NPY2R: variants seen among roughly 807,000 people sequenced by gnomAD.
The protein encoded by NPY2R is neuropeptide Y receptor type 2.
A neutral mutation model predicts 22.3 loss-of-function variants in NPY2R; 17 were observed. The ratio of observed to expected loss-of-function variants is 0.76; its 90% CI spans 0.52 to 1.14. The LOEUF (loss-of-function observed/expected upper bound fraction) is 1.14, where lower values mean the gene tolerates loss of function less well. NPY2R is among the 50% of genes most tolerant of loss of function. The pLI is 0.00. For synonymous variants in NPY2R, 209 were observed against 183.4 expected, an observed-to-expected ratio of 1.14 and a Z score of -1.13; for missense variants, 424 against 467.9, an observed-to-expected ratio of 0.91 and a Z score of 0.87.
chr4:155,196,104 G>T, the NPY2R span, among the ~76,000 whole-genome samples: 1 of 152,006 alleles, frequency 6.6e-6, no homozygotes, highest in Non-Finnish European at 1.5e-5. Flanking sequence ...AAGCTTAGGA[G>T]ATCTTGCTGC....
At position 155,214,305 on chromosome 4, in the gene NPY2R, G is replaced by A. The variant is rs375830367; in HGVS notation, c.366G>A (p.Leu122=). The A allele has an allele frequency of 2.0e-5, 33 of 1,614,006 alleles. 1 individual carries two copies. The East Asian group carries it at 4.2e-4, about 21-fold the overall frequency. Residue 122 remains leucine, a synonymous_variant, in exon 2 of 2, where the codon CTG becomes CTA. Transcript: ENST00000329476. ...GGGAGTGGAAAATGGGTCCTGTCCT[G>A]TGCCACCTGGTGCCCTATGCCCAGG... ...LMGEWKMGPV[L]CHLVPYAQGL... is the part of the protein sequence containing the mutation.
the NPY2R span, among the ~76,000 whole-genome samples, chr4:155,191,380 C>T: frequency 4.6e-5 from 7 of 151,856 alleles, no homozygotes; most frequent in Admixed American, 2.0e-4. Context: ...TCCACCTTAC[C>T]ACCTAAATGT....
Position 155,209,681 on chromosome 4 carries a change from C to A in NPY2R, c.-49+612C>A, listed in dbSNP as rs1474674505. ...ATGTAGCATTCTTGAAACTTCCCTT[C>A]TTCCCCCTCCCCTGCCCCCATTCCT... On this transcript the variant is annotated intron_variant, in intron 1 of 1. Coordinates refer to ENST00000329476, the MANE Select transcript of NPY2R (RefSeq NM_000910.4). Among the ~76,000 whole-genome samples the A allele has an allele frequency of 4.6e-5, 7 of 152,258 alleles. No homozygotes were observed. In the East Asian group the frequency reaches 9.7e-4, roughly 21 times the overall value.
the NPY2R span, among the ~76,000 whole-genome samples, chr4:155,180,547 T>A: frequency 5.3e-5 from 8 of 152,160 alleles, no homozygotes; most frequent in African/African-American, 1.9e-4. Context: ...GCTTACACAT[T>A]TTGTGATTCT....
chr4:155,182,271 A>G, the NPY2R span, among the ~76,000 whole-genome samples: 1 of 152,140 alleles, frequency 6.6e-6, no homozygotes, highest in African/African-American at 2.4e-5. Flanking sequence ...ATGTTTCTGG[A>G]GTCCACTGGT....
At chr4:155,195,619 T>C in the NPY2R span, among the ~76,000 whole-genome samples, 12 of 151,964 alleles carry the variant, frequency 7.9e-5, no homozygotes, top group Admixed American at 3.3e-4. Flanking sequence ...AATATTACCA[T>C]CTTAGTGGCA....
At chr4:155,209,991 A>T (rs1455424775) in intron 1 of NPY2R, among the ~76,000 whole-genome samples, 1 of 152,232 alleles carries the variant, frequency 6.6e-6, no homozygotes, top group Admixed American at 6.5e-5. Context: ...CTGCAAAGAA[A>T]TGTTTCTATG....
the NPY2R span, among the ~76,000 whole-genome samples, chr4:155,185,672 T>C: frequency 6.6e-6 from 1 of 151,420 alleles, no homozygotes; most frequent in Non-Finnish European, 1.5e-5. Flanking sequence ...GAAATGCATT[T>C]TTTTTTTTTT....
chr4:155,182,089 G>C, the NPY2R span, among the ~76,000 whole-genome samples: 194 of 152,130 alleles, frequency 1.3e-3, 1 homozygote, highest in African/African-American at 4.4e-3. Flanking sequence ...ATAACTAAAG[G>C]CTAATTAATC....
chr4:155,208,242 G>T (rs1314673778), upstream of NPY2R: 1 of 152,330 alleles, frequency 6.6e-6, no homozygotes, highest in Admixed American at 6.5e-5. The surrounding 1 kb of genome is among the most constrained non-coding windows in gnomAD (Gnocchi z 5.6). Flanking sequence ...CCTACGAGGC[G>T]CGGGGATTCT....
At chr4:155,175,456 C>T in the NPY2R span, among the ~76,000 whole-genome samples, 7 of 152,110 alleles carry the variant, frequency 4.6e-5, no homozygotes, top group Non-Finnish European at 8.8e-5. Flanking sequence ...GCTGTCTGGT[C>T]ATGCTTTTCA....
At position 155,215,207 on chromosome 4, in the gene NPY2R, A is replaced by T; in HGVS notation, c.*122A>T. 1.1e-6 allele frequency: 1 copy of T among 951,188 alleles called. No individual in the cohort carries two copies. The allele number at this position is 951,188 out of a possible 1,614,324, so 58.9% of individuals were successfully genotyped here. ...AGAAGAAGTGGATCTAAATGGAAGC[A>T]TCTGCTGTTTAATTCCTGGAAAACT... On this transcript the variant is annotated 3_prime_UTR_variant, in exon 2 of 2. Coordinates refer to ENST00000329476, the MANE Select transcript of NPY2R (RefSeq NM_000910.4).
chr4:155,193,184 C>CTATA, the NPY2R span, among the ~76,000 whole-genome samples: 1 of 151,490 alleles, frequency 6.6e-6, no homozygotes, highest in East Asian at 1.9e-4. Flanking sequence ...ATCCTAGAGA[C>CTATA]TATATATATA....
chr4:155,190,415 C>T, the NPY2R span, among the ~76,000 whole-genome samples: 2 of 151,844 alleles, frequency 1.3e-5, no homozygotes, highest in South Asian at 4.1e-4. Flanking sequence ...AAATGATCAA[C>T]CACTCAAAAG....
chr4:155,211,370 G>A (rs1729401371), intron 1 of NPY2R, among the ~76,000 whole-genome samples: 1 of 152,222 alleles, frequency 6.6e-6, no homozygotes, highest in Non-Finnish European at 1.5e-5. Flanking sequence ...AGTTTAAAAC[G>A]GGGAGGGCAG....
chr4:155,192,202 A>G, the NPY2R span, among the ~76,000 whole-genome samples: 1 of 151,918 alleles, frequency 6.6e-6, no homozygotes, highest in Non-Finnish European at 1.5e-5. Flanking sequence ...GACAGCTGCC[A>G]GAGATGAATG....
At chr4:155,211,604 G>A (rs1729406785) in intron 1 of NPY2R, among the ~76,000 whole-genome samples, 1 of 152,142 alleles carries the variant, frequency 6.6e-6, no homozygotes, top group Non-Finnish European at 1.5e-5. Flanking sequence ...GCAAATTAAT[G>A]AAAGCATACA....
the NPY2R span, among the ~76,000 whole-genome samples, chr4:155,196,181 TTA>T: frequency 6.6e-6 from 1 of 151,988 alleles, no homozygotes; most frequent in Non-Finnish European, 1.5e-5. Flanking sequence ...GTCTAACATT[TTA>T]TAGTTTGAGC....
chr4:155,214,719 T>A lies in NPY2R; in HGVS notation c.780T>A (p.His260Gln). ...VSPGAANDHYHQRRQKTTKML... is the reference protein window; with the variant it reads ...VSPGAANDHYQQRRQKTTKML... ...CTGGAGCTGCAAATGACCACTACCA[T>A]CAGCGAAGGCAAAAAACCACCAAAA... The change falls in exon 2 of 2, where the codon CAT becomes CAA. Residue 260 changes from histidine to glutamine, a missense_variant. Transcript: ENST00000329476. 1 of 1,614,232 alleles carries A rather than the reference T, an allele frequency of 6.2e-7. No homozygotes were observed. Among genetic ancestry groups the A allele is most frequent in the Non-Finnish European group, 8.5e-7 (1 of 1,180,030 alleles).
Sources: gnomAD v4.1 joint callset for allele counts (sites outside exome capture counted in the v4.1 genomes callset) on GRCh38, gnomAD v4.1.1 for gene constraint, Gnocchi (gnomAD v3.1) non-coding constraint, MANE v1.5 for transcripts, NCBI Gene and HGNC (gene_info 2026-07-23, HGNC 2026-07-21) for gene names.